Variants in TRAPPC3 observed in about 807,000 individuals in gnomAD.
TRAPPC3 encodes the protein trafficking protein particle complex subunit 3.
Under a neutral mutation model 18.2 loss-of-function variants are expected in TRAPPC3, and 5 were observed. That is an observed-to-expected ratio of 0.28 (90% confidence interval 0.14 to 0.58). The LOEUF (loss-of-function observed/expected upper bound fraction) is 0.58. TRAPPC3 is among the 20% of genes least tolerant of loss of function. The pLI is 0.91. For missense variants in TRAPPC3, 176 were observed against 225.9 expected, an observed-to-expected ratio of 0.78 and a Z score of 1.41; for synonymous variants, 65 against 84.2, an observed-to-expected ratio of 0.77 and a Z score of 1.25.
At chr1:36,147,580 C>G (rs1315552902) in intron 1 of TRAPPC3, among the ~76,000 whole-genome samples, 4 of 151,882 alleles carry the variant, frequency 2.6e-5, no homozygotes, top group Non-Finnish European at 5.9e-5. Flanking sequence ...GGAGGTCAGG[C>G]TGGATGAGCC....
chr1:36,137,657 C>T, intron 4 of TRAPPC3, 139 bp downstream of exon 4: 1 of 914,014 alleles, frequency 1.1e-6, no homozygotes, highest in Non-Finnish European at 1.6e-6. Flanking sequence ...TTGGATCCTA[C>T]CTCAGCAGCA....
chr1:36,153,405 G>A (rs1286755865), upstream of TRAPPC3, among the ~76,000 whole-genome samples: 3 of 152,104 alleles, frequency 2.0e-5, no homozygotes, highest in African/African-American at 4.8e-5. Flanking sequence ...GCCATCCTCC[G>A]CACACTCCCT....
At position 36,147,151 on chromosome 1, in the gene TRAPPC3, G is replaced by A. The variant is rs543603849; in HGVS notation, c.42+2186C>T. Among the ~76,000 whole-genome samples the A allele has an allele frequency of 2.0e-5, 3 of 152,152 alleles. No individual in the cohort carries two copies. The South Asian group carries it at 6.2e-4, about 32-fold the overall frequency. Reference sequence around the variant, plus strand: ...AGATCACTTGAGGTCAGGAGTTTGAGACCAACCTGGGAATACAAAAATTAG... The same window carrying A: ...AGATCACTTGAGGTCAGGAGTTTGAAACCAACCTGGGAATACAAAAATTAG... On this transcript the variant is annotated intron_variant, in intron 1 of 4. Transcript: ENST00000373166.
intron 1 of TRAPPC3, among the ~76,000 whole-genome samples, chr1:36,142,013 T>C (rs1456318592): frequency 2.7e-5 from 4 of 147,242 alleles, no homozygotes; most frequent in Middle Eastern, 3.3e-3. Flanking sequence ...CAGCTAATTA[T>C]TGACAAAAGT....
At chr1:36,150,837 A>G (rs1197853895), upstream of TRAPPC3, among the ~76,000 whole-genome samples, 1 of 152,190 alleles carries the variant, frequency 6.6e-6, no homozygotes. Flanking sequence ...CTAGCCCCCA[A>G]GGGCCAGCTC....
rs759637093 is a variant in TRAPPC3, at chr1:36,137,281, C to T, written c.465G>A (p.Leu155=). Residue 155 remains leucine (L), a synonymous_variant, in exon 5 of 5, where the codon CTG becomes CTA. Coordinates refer to ENST00000373166, the MANE Select transcript of TRAPPC3 (RefSeq NM_014408.5). ...GGATTTCTGTCACACCGTCTCCTTT[C>T]AGGGTGTCCTGGACAAACTTGGCCT... The part of the protein sequence containing the change: ...AVEAKFVQDT[L]KGDGVTEIRM... 7 of 1,613,228 alleles carry T rather than the reference C, an allele frequency of 4.3e-6. No individual in the cohort carries two copies. The East Asian group carries it at 1.1e-4, about 26-fold the overall frequency.
upstream of TRAPPC3, among the ~76,000 whole-genome samples, chr1:36,151,695 C>A (rs961094615): frequency 2.0e-5 from 3 of 152,198 alleles, no homozygotes; most frequent in Non-Finnish European, 4.4e-5. Flanking sequence ...CAAATCCCAA[C>A]CCTCCTTACC....
At chr1:36,147,215 C>T (rs974114507) in intron 1 of TRAPPC3, among the ~76,000 whole-genome samples, 2 of 151,830 alleles carry the variant, frequency 1.3e-5, no homozygotes, top group East Asian at 1.9e-4. Flanking sequence ...CCTAGCTACT[C>T]GGGAGGCTGA....
chr1:36,140,199 G>C, intron 1 of TRAPPC3, 33 bp from the exon 2 acceptor site: 1 of 1,438,028 alleles, frequency 7.0e-7, no homozygotes, highest in Non-Finnish European at 9.4e-7. Context: ...TCAGGACCAA[G>C]CAGCACAAAA....
At chr1:36,155,010 A>T (rs748845859) in intron 1 of TRAPPC3, among the ~76,000 whole-genome samples, 1 of 152,076 alleles carries the variant, frequency 6.6e-6, no homozygotes, top group Non-Finnish European at 1.5e-5. Context: ...TTCCCACTCT[A>T]TCCCTCCAAA....
At chr1:36,149,505 G>C (rs1644251621), upstream of TRAPPC3, 5 of 1,268,888 alleles carry the variant, frequency 3.9e-6, no homozygotes, top group South Asian at 1.3e-5. Context: ...GCGCCTGCGC[G>C]GCCTCCCGCG....
At chr1:36,141,952 C>T (rs1419348410) in intron 1 of TRAPPC3, among the ~76,000 whole-genome samples, 5 of 91,222 alleles carry the variant, frequency 5.5e-5, no homozygotes, top group South Asian at 4.1e-4. Flanking sequence ...AGCAAGATTC[C>T]GTCTCCAAAA....
At chr1:36,148,936 G>A (rs950949906) in intron 1 of TRAPPC3, among the ~76,000 whole-genome samples, 1 of 152,088 alleles carries the variant, frequency 6.6e-6, no homozygotes, top group Non-Finnish European at 1.5e-5. Flanking sequence ...GTGTAAATAT[G>A]GGCAAATTAC....
At chr1:36,149,532 G>A, upstream of TRAPPC3, 5 of 962,944 alleles carry the variant, frequency 5.2e-6, no homozygotes, top group South Asian at 7.3e-5. Flanking sequence ...CACGGGACTA[G>A]TGGTCCGGCC....
At chr1:36,139,861 T>C in intron 2 of TRAPPC3, 42 bp from the exon 3 acceptor site, 1 of 1,609,884 alleles carries the variant, frequency 6.2e-7, no homozygotes, top group Non-Finnish European at 8.5e-7. Context: ...GGAGTCTAAA[T>C]GTCTTATGTT....
chr1:36,149,760 TC>T (rs1162323932), upstream of TRAPPC3, among the ~76,000 whole-genome samples: 1 of 151,320 alleles, frequency 6.6e-6, no homozygotes, highest in Admixed American at 6.6e-5. Flanking sequence ...CTTGTCCCCC[TC>T]CCCCCGCGCC....
chr1:36,153,313 AG>A (rs1190177500), upstream of TRAPPC3, among the ~76,000 whole-genome samples: 3 of 152,106 alleles, frequency 2.0e-5, no homozygotes, highest in African/African-American at 7.2e-5. Context: ...GCCAGTGAGG[AG>A]GAGAATGGAG....
At chr1:36,144,145 G>T (rs1473224144) in intron 1 of TRAPPC3, among the ~76,000 whole-genome samples, 1 of 151,854 alleles carries the variant, frequency 6.6e-6, no homozygotes, top group Non-Finnish European at 1.5e-5. Flanking sequence ...AAAATTAGCT[G>T]GGCGTGGTAC....
At chr1:36,150,762 G>C (rs1272790907), upstream of TRAPPC3, among the ~76,000 whole-genome samples, 2 of 152,254 alleles carry the variant, frequency 1.3e-5, no homozygotes. Context: ...AGGGAGCCAA[G>C]GGCCGAGGGC....
Sources: gnomAD v4.1 joint callset for allele counts (sites outside exome capture counted in the v4.1 genomes callset) on GRCh38, gnomAD v4.1.1 for gene constraint, MANE v1.5 for transcripts, NCBI Gene and HGNC (gene_info 2026-07-23, HGNC 2026-07-21) for gene names.